The following HHLA1 variants were observed in gnomAD, a reference collection of about 807,000 sequenced individuals.
HHLA1 encodes the protein HHLA1 neighbor of OC90.
A neutral mutation model predicts 69.9 loss-of-function variants in HHLA1; 72 were observed. The ratio of observed to expected loss-of-function variants is 1.03; its 90% CI spans 0.85 to 1.25. HHLA1 has a LOEUF of 1.25. Among genes scored for constraint, HHLA1 ranks in the 50% most tolerant of loss-of-function variants. The pLI is 0.00. For missense variants in HHLA1, 685 were observed against 642.2 expected, an observed-to-expected ratio of 1.07 and a Z score of -0.72; for synonymous variants, 252 against 233.2, an observed-to-expected ratio of 1.08 and a Z score of -0.73.
intron 8 of HHLA1, among the ~76,000 whole-genome samples, chr8:132,088,886 C>T (rs1440936161): frequency 1.3e-5 from 2 of 152,192 alleles, no homozygotes; most frequent in Non-Finnish European, 2.9e-5. Context: ...AAAGCCCTTA[C>T]AAGATTATCT....
Position 132,068,765 on chromosome 8 carries a change from T to G in HHLA1, c.1469+2575A>C, listed in dbSNP as rs145206562. ...GAGCCGTGGACACTTCACTGGGGCC[T>G]GAGGTAGCAAAATTTGTAAGTCACC... On this transcript the variant is annotated intron_variant, in intron 15 of 16. Coordinates refer to ENST00000414222, the MANE Select transcript of HHLA1 (RefSeq NM_001145095.3). Among the ~76,000 whole-genome samples, 1,417 of 152,296 alleles carry G rather than the reference T, an allele frequency of 9.3e-3. 12 individuals are homozygous for G. The highest frequency in any genetic ancestry group is 0.048 in the Middle Eastern group (14 of 294).
intron 15 of HHLA1, chr8:132,070,449 G>A: frequency 1.4e-6 from 1 of 692,546 alleles, no homozygotes; most frequent in Non-Finnish European, 2.6e-6. Flanking sequence ...GAGGGCATTT[G>A]GATTAAAGAA....
intron 7 of HHLA1, among the ~76,000 whole-genome samples, chr8:132,092,235 C>T (rs951892286): frequency 6.6e-6 from 1 of 152,064 alleles, no homozygotes; most frequent in Non-Finnish European, 1.5e-5. Flanking sequence ...TAATTGGGAA[C>T]GTGATGGTTT....
At position 132,065,902 on chromosome 8, in the gene HHLA1, C is replaced by T; in HGVS notation, c.1536G>A (p.Arg512=). Residue 512 remains arginine, a synonymous_variant, in exon 16 of 17, where the codon AGG becomes AGA. Transcript: ENST00000414222. ...TGTACTTACTGTGCGAGTGGGACACCCTTTTCACCCTCTGACAGATATATG... is the reference window on the plus strand; with the variant it reads ...TGTACTTACTGTGCGAGTGGGACACTCTTTTCACCCTCTGACAGATATATG... ...NATYICQRVK[R]VSHSHTLKQK... is the part of the protein sequence containing the mutation. The T allele has an allele frequency of 7.7e-7, 1 of 1,301,310 alleles. No individual in the cohort carries two copies. 80.6% of individuals were successfully genotyped at this position (1,301,310 alleles called of 1,614,324 possible).
intron 4 of HHLA1, among the ~76,000 whole-genome samples, chr8:132,099,528 A>G (rs1307005361): frequency 2.0e-5 from 3 of 152,178 alleles, no homozygotes. Flanking sequence ...GAGTGGAGTT[A>G]AAATTCCCAC....
chr8:132,109,430 T>G (rs1824260166), intron 1 of HHLA1, among the ~76,000 whole-genome samples: 2 of 70,264 alleles, frequency 2.8e-5, no homozygotes, highest in African/African-American at 8.5e-5. Context: ...CCTATAAGCA[T>G]ATGAAAAAAA....
At chr8:132,104,415 G>A (rs918972114) in intron 2 of HHLA1, among the ~76,000 whole-genome samples, 5 of 152,142 alleles carry the variant, frequency 3.3e-5, no homozygotes, top group African/African-American at 1.2e-4. Flanking sequence ...TGCTGGAAAG[G>A]CAGACACATA....
At position 132,067,141 on chromosome 8, in the gene HHLA1, C is replaced by T. The variant is rs149471151; in HGVS notation, c.1470-1173G>A. On this transcript the variant is annotated intron_variant, in intron 15 of 16. Transcript: ENST00000414222. Reference sequence around the variant, plus strand: ...CAATGGCCTTGGTGGCAGCTGGGACCGCAGAGCTGAAGCTGTTATGAGGAT... The same window carrying T: ...CAATGGCCTTGGTGGCAGCTGGGACTGCAGAGCTGAAGCTGTTATGAGGAT... 1.6e-3 allele frequency among the ~76,000 whole-genome samples: 248 copies of T among 152,208 alleles called. 1 individual carries two copies. Among genetic ancestry groups the T allele is most frequent in the Non-Finnish European group, 3.0e-3 (201 of 68,002 alleles).
At position 132,063,922 on chromosome 8, in the gene HHLA1, C is replaced by T; in HGVS notation, c.*73G>A. The T allele has an allele frequency of 3.9e-6, 3 of 764,892 alleles. No individual in the cohort carries two copies. The highest frequency in any genetic ancestry group is 3.7e-6 in the Non-Finnish European group (2 of 545,816). The allele number at this position is 764,892 out of a possible 1,614,324, so 47.4% of individuals were successfully genotyped here. A position where few individuals can be genotyped will look rare whatever the true frequency, so the allele number is the denominator to read the frequency against. ...GGGTGAATTCTTCAAATGTAGCCCA[C>T]TTGGGACAAGAGCCAGGGTGGATGG... On this transcript the variant is annotated 3_prime_UTR_variant, in exon 17 of 17. Coordinates refer to ENST00000414222, the MANE Select transcript of HHLA1 (RefSeq NM_001145095.3).
chr8:132,069,163 C>T (rs1361692673), intron 15 of HHLA1, among the ~76,000 whole-genome samples: 1 of 152,120 alleles, frequency 6.6e-6, no homozygotes, highest in Admixed American at 6.5e-5. Context: ...CTCAGTGGTC[C>T]TTAGATGCTC....
intron 14 of HHLA1, among the ~76,000 whole-genome samples, chr8:132,073,508 A>C (rs963462231): frequency 6.6e-6 from 1 of 152,290 alleles, no homozygotes; most frequent in Non-Finnish European, 1.5e-5. Context: ...TCTAATTCTC[A>C]TAAATCTTGT....
chr8:132,089,329 T>G (rs17571649), intron 8 of HHLA1, among the ~76,000 whole-genome samples, 187 bp downstream of exon 8: 4,217 of 152,334 alleles, frequency 0.028, 93 homozygotes, highest in South Asian at 0.062. Context: ...ATATGAAGAC[T>G]TAAATATTGG....
At position 132,064,768 on chromosome 8, in the gene HHLA1, A is replaced by C. The variant is rs1823407240; in HGVS notation, c.1553-730T>G. Among the ~76,000 whole-genome samples, 2 of 152,208 alleles carry C rather than the reference A, an allele frequency of 1.3e-5. 1 individual carries two copies. Among genetic ancestry groups the C allele is most frequent in the South Asian group, 4.1e-4 (2 of 4,830 alleles). On this transcript the variant is annotated intron_variant, in intron 16 of 16. Coordinates refer to ENST00000414222, the MANE Select transcript of HHLA1 (RefSeq NM_001145095.3). ...AGTTGAAAAATGAAATATAAAGAGA[A>C]GTTTTAAGATGATGGTTTGTGAGAA...
intron 7 of HHLA1, among the ~76,000 whole-genome samples, chr8:132,094,006 G>C (rs1187971209): frequency 6.6e-6 from 1 of 152,088 alleles, no homozygotes; most frequent in Non-Finnish European, 1.5e-5. Context: ...TCTACTCAGT[G>C]GGGGAAATAA....
At chr8:132,076,230 G>C in intron 13 of HHLA1, 101 bp from the exon 14 acceptor site, 2 of 910,606 alleles carry the variant, frequency 2.2e-6, no homozygotes, top group Non-Finnish European at 3.4e-6. Context: ...AATCATTCTT[G>C]AAATCTATAG....
intron 15 of HHLA1, among the ~76,000 whole-genome samples, chr8:132,069,324 G>A (rs1267863997): frequency 1.3e-5 from 2 of 152,108 alleles, no homozygotes; most frequent in African/African-American, 2.4e-5. Flanking sequence ...TTTGAAATTT[G>A]TCTTCTTACA....
intron 3 of HHLA1, among the ~76,000 whole-genome samples, chr8:132,100,466 T>C (rs1300993931): frequency 6.6e-6 from 1 of 152,110 alleles, no homozygotes; most frequent in Non-Finnish European, 1.5e-5. Flanking sequence ...AACTGAGCAA[T>C]GGTAATAAAG....
chr8:132,110,867 A>G (rs1426267198), intron 1 of HHLA1, among the ~76,000 whole-genome samples: 1 of 152,228 alleles, frequency 6.6e-6, no homozygotes, highest in Non-Finnish European at 1.5e-5. Context: ...TTAAGATTCT[A>G]ATCAATAGCT....
Position 132,098,880 on chromosome 8 carries a change from A to T in HHLA1, c.280+2T>A. The T allele has an allele frequency of 1.9e-6, 3 of 1,542,358 alleles. No individual in the cohort carries two copies. The highest frequency in any genetic ancestry group is 1.8e-6 in the Non-Finnish European group (2 of 1,139,224). ...TGGATTGTGCTTTTAAAATATGATT[A>T]CCTTTTAACGCTCTACTGAGCATCC... On this transcript the variant is annotated splice_donor_variant, in intron 5 of 16. Transcript: ENST00000414222. LOFTEE classifies it high-confidence loss of function.
Sources: allele counts gnomAD v4.1 joint callset (sites outside exome capture counted in the v4.1 genomes callset), GRCh38; gene constraint gnomAD v4.1.1; transcripts MANE v1.5; gene names NCBI Gene and HGNC (gene_info 2026-07-23, HGNC 2026-07-21).